PLCXD1: variants seen among roughly 807,000 people sequenced by gnomAD.
PLCXD1 encodes the protein phosphatidylinositol specific phospholipase C X domain containing 1, also known as PI-PLC X domain-containing protein 1.
In PLCXD1, 45 loss-of-function variants were observed where a neutral mutation model predicts 37.8. That is an observed-to-expected ratio of 1.19 (90% CI 0.94 to 1.53). PLCXD1 has a LOEUF of 1.53. Ranked by LOEUF, PLCXD1 falls within the 40% of genes most tolerant of loss-of-function variation. PLCXD1 has a pLI of 0.00. For missense variants in PLCXD1, 539 were observed against 454.7 expected (o/e 1.19, Z -1.69); for synonymous variants, 246 against 206.9 (o/e 1.19, Z -1.62).
At chrX:276,710 C>T (rs1246174834), upstream of PLCXD1, among the ~76,000 whole-genome samples, 2 of 152,162 alleles carry the variant, frequency 1.3e-5, no homozygotes, top group East Asian at 1.9e-4. Flanking sequence ...CCGGGGGCCA[C>T]GACTTGCTTG....
At chrX:287,318 A>G (rs1430569454) in intron 2 of PLCXD1, among the ~76,000 whole-genome samples, 2 of 142,072 alleles carry the variant, frequency 1.4e-5, no homozygotes, top group Non-Finnish European at 3.0e-5. Context: ...GTACATTTAT[A>G]TATTATATTT....
chrX:293,386 G>A (rs901484341), intron 6 of PLCXD1, among the ~76,000 whole-genome samples, 168 bp downstream of exon 6: 1 of 152,254 alleles, frequency 6.6e-6, no homozygotes, highest in African/African-American at 2.4e-5. Flanking sequence ...CACTTCGGGA[G>A]GCCGAGGCGG....
chrX:285,184 A>G (rs1401534313), intron 2 of PLCXD1, among the ~76,000 whole-genome samples: 1 of 152,146 alleles, frequency 6.6e-6, no homozygotes, highest in Non-Finnish European at 1.5e-5. Flanking sequence ...ATGGATGCAT[A>G]TACATGCACA....
At chrX:285,041 CA>C (rs996837052) in intron 2 of PLCXD1, among the ~76,000 whole-genome samples, 31 of 152,250 alleles carry the variant, frequency 2.0e-4, no homozygotes, top group African/African-American at 6.3e-4. Flanking sequence ...GGTGGGGACA[CA>C]GCCGAGCCAT....
chrX:302,661 C>T lies in PLCXD1; in HGVS notation c.*3326C>T, dbSNP rs1404076490. On this transcript the variant is annotated 3_prime_UTR_variant, in exon 7 of 7. Coordinates refer to ENST00000381657, the MANE Select transcript of PLCXD1 (RefSeq NM_018390.4). ...GATCCTGGCTCACTGCAACCTCCAC[C>T]TCCCGGGTTCCAGCAAATTCTCCTG... 6.6e-6 allele frequency: 1 copy of T among 152,178 alleles called. No individual in the cohort carries two copies. Among genetic ancestry groups the T allele is most frequent in the Admixed American group, 6.6e-5 (1 of 15,254 alleles). The allele number at this position is 152,178 out of a possible 1,614,324, so 9.4% of individuals were successfully genotyped here.
chrX:286,770 G>A (rs1457056924), intron 2 of PLCXD1, among the ~76,000 whole-genome samples: 1 of 152,112 alleles, frequency 6.6e-6, no homozygotes, highest in Non-Finnish European at 1.5e-5. Context: ...CCCAGGGCTG[G>A]GTGGTGGTGC....
intron 1 of PLCXD1, chrX:283,582 G>C (rs1395378684): frequency 6.9e-6 from 1 of 144,918 alleles, no homozygotes. Flanking sequence ...AGGCCCGGGT[G>C]GGGGCGGCCG....
Position 291,673 on chromosome X carries a change from T to C in PLCXD1, c.549+19T>C. ...TCGTGGGGTGAGGAGGGGAAGGATA[T>C]CCGCACGTCTCTCCCGGGGCAGGGG... On this transcript the variant is annotated intron_variant, in intron 5 of 6. Transcript: ENST00000381657. 1 of 1,610,968 alleles carries C rather than the reference T, an allele frequency of 6.2e-7. No homozygotes were observed.
chrX:287,976 C>G (rs1276274880), intron 2 of PLCXD1, among the ~76,000 whole-genome samples: 2 of 151,014 alleles, frequency 1.3e-5, no homozygotes, highest in South Asian at 4.2e-4. Context: ...GACCACACGT[C>G]CTCCTGAGGC....
intron 2 of PLCXD1, among the ~76,000 whole-genome samples, chrX:285,762 C>T (rs1394023165): frequency 3.3e-5 from 5 of 152,162 alleles, no homozygotes; most frequent in Admixed American, 2.0e-4. Context: ...TACACATGCA[C>T]ACAGATACGT....
At chrX:295,663 T>C (rs1161539470) in intron 6 of PLCXD1, among the ~76,000 whole-genome samples, 1 of 150,910 alleles carries the variant, frequency 6.6e-6, no homozygotes, top group Non-Finnish European at 1.5e-5. Context: ...TAGCTGGGAC[T>C]ACAGGCGCCC....
intron 2 of PLCXD1, among the ~76,000 whole-genome samples, chrX:285,658 C>T (rs1361730302): frequency 6.6e-6 from 1 of 152,090 alleles, no homozygotes; most frequent in African/African-American, 2.4e-5. Context: ...CACATGCACA[C>T]ACGTAGACAC....
chrX:285,125 C>T (rs754379163), intron 2 of PLCXD1, among the ~76,000 whole-genome samples: 35 of 62,012 alleles, frequency 5.6e-4, no homozygotes, highest in East Asian at 2.5e-3. Flanking sequence ...CACATGCATG[C>T]GCACACACAT....
At chrX:277,702 T>G (rs1336656395), upstream of PLCXD1, among the ~76,000 whole-genome samples, 1 of 3,268 alleles carries the variant, frequency 3.1e-4, no homozygotes, top group East Asian at 0.02. Flanking sequence ...GGACCTGGGA[T>G]GTGAGGGGAG....
At position 299,147 on chromosome X, in the gene PLCXD1, C is replaced by G. The variant is rs200559068; in HGVS notation, c.784C>G (p.Leu262Val). ...INLTENLQYV[L>V]AHPSESLEKM... ...CCTCACGGAGAACCTGCAGTACGTT[C>G]TGGCGCACCCGTCCGAGTCCCTGGA... The change falls in exon 7 of 7, where the codon CTG (leucine) becomes GTG (valine). Residue 262 changes from leucine (L) to valine (V), a missense_variant. Coordinates refer to ENST00000381657, the MANE Select transcript of PLCXD1 (RefSeq NM_018390.4). 14 of 1,613,844 alleles carry G rather than the reference C, an allele frequency of 8.7e-6. No homozygotes were observed. The highest frequency in any genetic ancestry group is 3.3e-5 in the South Asian group (3 of 91,082).
intron 2 of PLCXD1, 71 bp downstream of exon 2, chrX:284,385 C>A: frequency 6.4e-7 from 1 of 1,561,482 alleles, no homozygotes; most frequent in Non-Finnish European, 8.8e-7. Flanking sequence ...GGAGCTGTGG[C>A]GTCTGCATTC....
At chrX:280,227 C>T (rs1466826200), upstream of PLCXD1, among the ~76,000 whole-genome samples, 1 of 152,064 alleles carries the variant, frequency 6.6e-6, no homozygotes, top group Admixed American at 6.6e-5. Flanking sequence ...CTCACAGCGG[C>T]CCTGCTGGGA....
At chrX:296,388 G>C (rs2069809317) in intron 6 of PLCXD1, among the ~76,000 whole-genome samples, 1 of 152,166 alleles carries the variant, frequency 6.6e-6, no homozygotes, top group Non-Finnish European at 1.5e-5. Context: ...CTCTCAACGT[G>C]CTGGGATGAC....
upstream of PLCXD1, among the ~76,000 whole-genome samples, chrX:277,421 G>GGA (rs1456029660): frequency 1.2e-3 from 31 of 26,200 alleles, 1 homozygote; most frequent in Non-Finnish European, 2.6e-3. Flanking sequence ...GGAGGGGTCA[G>GGA]GGCACGTGGG....
Sources: allele counts gnomAD v4.1 joint callset (sites outside exome capture counted in the v4.1 genomes callset), GRCh38; gene constraint gnomAD v4.1.1; transcripts MANE v1.5; gene names NCBI Gene and HGNC (gene_info 2026-07-23, HGNC 2026-07-21).